DLG2: variants seen among roughly 807,000 people sequenced by gnomAD.
The protein encoded by DLG2 is disks large homolog 2.
In DLG2, 45 loss-of-function variants were observed where a neutral mutation model predicts 132.5. The ratio of observed to expected loss-of-function variants is 0.34; its 90% CI spans 0.27 to 0.44. The LOEUF is 0.44. DLG2 is among the 20% of genes least tolerant of loss of function. DLG2 has a pLI of 1.00. For missense variants in DLG2, 1,045 were observed against 1,196.9 expected (o/e 0.87, Z 1.87); for synonymous variants, 424 against 419.6 (o/e 1.01, Z -0.13).
At chr11:84,189,074 C>A (rs1466614197) in intron 8 of DLG2, among the ~76,000 whole-genome samples, 5 of 152,122 alleles carry the variant, frequency 3.3e-5, no homozygotes, top group Admixed American at 6.6e-5. Flanking sequence ...ACTGCAGGTG[C>A]AAAGATGGTC....
intron 4 of DLG2, among the ~76,000 whole-genome samples, chr11:85,257,201 A>C (rs1056095585): frequency 2.6e-5 from 4 of 152,208 alleles, no homozygotes; most frequent in Non-Finnish European, 5.9e-5. Flanking sequence ...GAAAGGCAAA[A>C]AATCATTACA....
At chr11:84,818,394 C>A in intron 6 of DLG2, among the ~76,000 whole-genome samples, 2 of 151,950 alleles carry the variant, frequency 1.3e-5, no homozygotes, top group Middle Eastern at 6.8e-3. Context: ...CAATAGAGTT[C>A]TTTCTCTCTT....
intron 7 of DLG2, among the ~76,000 whole-genome samples, chr11:84,295,783 C>T (rs1280365866): frequency 1.3e-5 from 2 of 152,136 alleles, no homozygotes; most frequent in African/African-American, 2.4e-5. Flanking sequence ...GGGGTCAGAT[C>T]ACTTGATATA....
intron 5 of DLG2, among the ~76,000 whole-genome samples, chr11:85,115,993 C>T (rs1052221642): frequency 6.6e-6 from 1 of 151,878 alleles, no homozygotes; most frequent in East Asian, 1.9e-4. Context: ...ACAAGAGGCC[C>T]TCCTGAGTTT....
intron 6 of DLG2, among the ~76,000 whole-genome samples, chr11:84,913,184 C>A (rs1476437186): frequency 1.3e-5 from 2 of 152,148 alleles, no homozygotes; most frequent in African/African-American, 4.8e-5. Context: ...AGAAAATTGT[C>A]TGGTTGGCTT....
intron 4 of DLG2, among the ~76,000 whole-genome samples, chr11:85,244,592 T>C (rs1217413242): frequency 1.3e-5 from 2 of 152,002 alleles, no homozygotes; most frequent in Non-Finnish European, 2.9e-5. Flanking sequence ...ATCAGATTGC[T>C]ATTGATGCCT....
intron 8 of DLG2, among the ~76,000 whole-genome samples, chr11:84,208,950 A>T (rs1316293539): frequency 6.6e-6 from 1 of 152,242 alleles, no homozygotes; most frequent in Non-Finnish European, 1.5e-5. Flanking sequence ...CAGAGACATC[A>T]ATATGAACTC....
At chr11:83,494,041 C>T (rs2094015045) in intron 21 of DLG2, among the ~76,000 whole-genome samples, 1 of 151,972 alleles carries the variant, frequency 6.6e-6, no homozygotes. Flanking sequence ...ACCATAAATC[C>T]TTGTCTGGTT....
chr11:83,770,243 G>T (rs79417402), intron 18 of DLG2, among the ~76,000 whole-genome samples: 2 of 113,942 alleles, frequency 1.8e-5, no homozygotes, highest in African/African-American at 3.9e-5. Flanking sequence ...CTTTTGTCTC[G>T]TGGTGTCTGG....
intron 6 of DLG2, among the ~76,000 whole-genome samples, chr11:85,029,774 A>T (rs575226981): frequency 1.3e-5 from 2 of 151,888 alleles, no homozygotes; most frequent in African/African-American, 4.8e-5. Flanking sequence ...AATGTAGCCA[A>T]CTCTGAACTG....
chr11:85,444,674 G>T (rs915032977), intron 3 of DLG2, among the ~76,000 whole-genome samples: 1 of 152,226 alleles, frequency 6.6e-6, no homozygotes, highest in Non-Finnish European at 1.5e-5. Context: ...GTAAATAAAA[G>T]ATCTCTGGTC....
At chr11:85,543,117 A>C (rs2076080807) in intron 3 of DLG2, among the ~76,000 whole-genome samples, 9 of 151,982 alleles carry the variant, frequency 5.9e-5, no homozygotes, top group Admixed American at 3.3e-4. Context: ...AGGCATTTCT[A>C]CTAATGCTAT....
chr11:85,177,157 G>A (rs1201926443), intron 4 of DLG2, among the ~76,000 whole-genome samples: 1 of 151,888 alleles, frequency 6.6e-6, no homozygotes, highest in Non-Finnish European at 1.5e-5. Flanking sequence ...ACATGCACAT[G>A]TATGTTCACT....
chr11:85,135,459 C>T (rs536225717), intron 5 of DLG2, among the ~76,000 whole-genome samples: 1 of 152,160 alleles, frequency 6.6e-6, no homozygotes, highest in Non-Finnish European at 1.5e-5. Context: ...ATGATACCTT[C>T]GGAACTTCAT....
chr11:83,665,915 A>G, intron 18 of DLG2, among the ~76,000 whole-genome samples: 1 of 152,162 alleles, frequency 6.6e-6, no homozygotes, highest in East Asian at 1.9e-4. Flanking sequence ...GTGCATGGGA[A>G]TTGGAAGATA....
intron 3 of DLG2, among the ~76,000 whole-genome samples, chr11:85,423,250 G>A (rs190662888): frequency 6.6e-6 from 1 of 152,308 alleles, no homozygotes; most frequent in Non-Finnish European, 1.5e-5. Flanking sequence ...CAAGTACTGA[G>A]GCTTGTCTGC....
chr11:84,603,910 T>A (rs1441426866), intron 6 of DLG2, among the ~76,000 whole-genome samples: 1 of 151,872 alleles, frequency 6.6e-6, no homozygotes, highest in Admixed American at 6.6e-5. Context: ...TAATACACAA[T>A]GATTAGTTTT....
intron 14 of DLG2, among the ~76,000 whole-genome samples, chr11:83,942,019 C>CT (rs1396200768): frequency 9.2e-5 from 14 of 152,172 alleles, no homozygotes; most frequent in African/African-American, 3.4e-4. Context: ...AGAAATGTTA[C>CT]TTCCAGAAAT....
intron 3 of DLG2, among the ~76,000 whole-genome samples, chr11:85,509,186 T>C (rs1384296622): frequency 6.6e-6 from 1 of 151,772 alleles, no homozygotes; most frequent in East Asian, 1.9e-4. Flanking sequence ...AGGAATCCCA[T>C]GCCTATCTAC....
Sources: gnomAD v4.1 joint callset for allele counts (sites outside exome capture counted in the v4.1 genomes callset) on GRCh38, gnomAD v4.1.1 for gene constraint, MANE v1.5 for transcripts, NCBI Gene and HGNC (gene_info 2026-07-23, HGNC 2026-07-21) for gene names.